The following CREB5 variants were observed in gnomAD, a reference collection of about 807,000 sequenced individuals.
CREB5 encodes the protein cyclic AMP-responsive element-binding protein 5.
CREB5 carries 19 observed loss-of-function variants against 57.1 expected under a neutral mutation model. The ratio of observed to expected loss-of-function variants is 0.33; its 90% CI spans 0.23 to 0.49. The LOEUF (loss-of-function observed/expected upper bound fraction) is 0.49, where lower values mean the gene tolerates loss of function less well. Ranked by LOEUF, CREB5 falls within the 20% of genes least tolerant of loss-of-function variation. The pLI is 0.99. For missense variants in CREB5, 579 were observed against 671.6 expected, an observed-to-expected ratio of 0.86 and a Z score of 1.52; for synonymous variants, 238 against 238.3, an observed-to-expected ratio of 1.00 and a Z score of 0.01.
chr7:28,543,291 C>A (rs1794280418), intron 4 of CREB5, among the ~76,000 whole-genome samples: 1 of 152,106 alleles, frequency 6.6e-6, no homozygotes, highest in Non-Finnish European at 1.5e-5. Flanking sequence ...CACAGGTGAT[C>A]CTTGTTAATG....
chr7:28,442,575 T>C (rs901824276), intron 1 of CREB5, among the ~76,000 whole-genome samples: 1 of 152,194 alleles, frequency 6.6e-6, no homozygotes, highest in Non-Finnish European at 1.5e-5. Context: ...CCATCAATAG[T>C]GTATAAGAGT....
chr7:28,461,677 A>G (rs537166896), intron 1 of CREB5, among the ~76,000 whole-genome samples: 3 of 152,184 alleles, frequency 2.0e-5, no homozygotes, highest in Non-Finnish European at 4.4e-5. Context: ...ACACTTTCCC[A>G]ACAGATGATT....
intron 7 of CREB5, among the ~76,000 whole-genome samples, chr7:28,770,924 C>G (rs981036503): frequency 2.0e-5 from 3 of 152,226 alleles, no homozygotes; most frequent in East Asian, 1.9e-4. Flanking sequence ...GTGTTCTCAT[C>G]ATAAAACAAA....
At chr7:28,319,548 C>T (rs1329489602) in intron 1 of CREB5, among the ~76,000 whole-genome samples, 1 of 151,456 alleles carries the variant, frequency 6.6e-6, no homozygotes, top group Non-Finnish European at 1.5e-5. Flanking sequence ...CTATTTCTAG[C>T]CCTCCATCCA....
intron 6 of CREB5, among the ~76,000 whole-genome samples, chr7:28,721,809 C>G (rs1278860290): frequency 6.6e-6 from 1 of 152,176 alleles, no homozygotes; most frequent in Non-Finnish European, 1.5e-5. Context: ...AATTCAAATG[C>G]TTTAATAATT....
chr7:28,736,389 G>A (rs925019645), intron 7 of CREB5, among the ~76,000 whole-genome samples: 7 of 151,664 alleles, frequency 4.6e-5, no homozygotes, highest in African/African-American at 1.2e-4. Context: ...GGCTGGTCTC[G>A]AACTCCCGAC....
At chr7:28,542,954 C>T (rs755024729) in intron 4 of CREB5, among the ~76,000 whole-genome samples, 4 of 152,276 alleles carry the variant, frequency 2.6e-5, no homozygotes, top group East Asian at 1.9e-4. Flanking sequence ...CTTTGTTCTC[C>T]GTCACCCTGC....
chr7:28,427,334 A>G lies in CREB5; in HGVS notation c.3+14417A>G, dbSNP rs551221301. On this transcript the variant is annotated intron_variant, in intron 1 of 10. Transcript: ENST00000357727. ...AGTTTTCAAAACTATGATTATGCAT[A>G]AGATTCCATTGAGTTTCTATGCCAT... Among the ~76,000 whole-genome samples the G allele has an allele frequency of 1.2e-4, 18 of 152,268 alleles. No homozygotes were observed. In the South Asian group the frequency reaches 2.3e-3, roughly 19 times the overall value.
At chr7:28,560,947 T>TGCGCGCGTGCGCGTGCGTGCGC (rs1562798055) in intron 4 of CREB5, among the ~76,000 whole-genome samples, 2 of 21,184 alleles carry the variant, frequency 9.4e-5, no homozygotes, top group Non-Finnish European at 9.6e-5. Context: ...CGTGCGTGTG[T>TGCGCGCGTGCGCGTGCGTGCGC]GTGCGTGTGT....
chr7:28,556,130 G>C (rs2128636518), intron 4 of CREB5, among the ~76,000 whole-genome samples: 1 of 152,290 alleles, frequency 6.6e-6, no homozygotes, highest in Middle Eastern at 3.4e-3. Context: ...GCAGCTTCTA[G>C]ATGTGCTCAC....
chr7:28,724,126 A>G, intron 6 of CREB5, 96 bp from the exon 7 acceptor site: 2 of 1,050,498 alleles, frequency 1.9e-6, no homozygotes, highest in Non-Finnish European at 2.7e-6. Flanking sequence ...TCTTCAAAGA[A>G]ATACTAAACG....
intron 5 of CREB5, among the ~76,000 whole-genome samples, chr7:28,610,592 C>T (rs1797345161): frequency 6.6e-6 from 1 of 152,140 alleles, no homozygotes; most frequent in African/African-American, 2.4e-5. Flanking sequence ...AAGAATTCAA[C>T]CTTTAAAAAG....
At chr7:28,399,610 A>T (rs189681405) in intron 1 of CREB5, among the ~76,000 whole-genome samples, 67 of 152,200 alleles carry the variant, frequency 4.4e-4, no homozygotes, top group Admixed American at 7.9e-4. Flanking sequence ...CTGGACCCCT[A>T]CCTCTTACCA....
In CREB5 at chr7:28,718,831, G is replaced by A. The variant is rs777505522; in HGVS notation, c.543G>A (p.Gly181=). 5.0e-6 allele frequency: 8 copies of A among 1,613,972 alleles called. No individual in the cohort carries two copies. The Admixed American group carries it at 1.3e-4, about 27-fold the overall frequency. The stretch of plus-strand genomic sequence containing the variant: ...AGCCCATGCCAGCCTCCATGCCTGG[G>A]ACCCTGCCCAACCCTACAATGCCAG... The part of the protein sequence containing the change: ...QRQPMPASMP[G]TLPNPTMPGS... The change falls in exon 6 of 11, where the codon GGG becomes GGA. Residue 181 remains glycine, a synonymous_variant. Transcript: ENST00000357727.
chr7:28,686,317 C>G, intron 5 of CREB5: 1 of 713,464 alleles, frequency 1.4e-6, no homozygotes, highest in Non-Finnish European at 2.4e-6. Context: ...CCCCTTCTCC[C>G]TTTCTGCCCG....
chr7:28,440,735 C>T (rs1789152853), intron 1 of CREB5, among the ~76,000 whole-genome samples: 1 of 152,172 alleles, frequency 6.6e-6, no homozygotes, highest in South Asian at 2.1e-4. Context: ...GGAGTTCACA[C>T]CATTTGGGCT....
At position 28,788,021 on chromosome 7, in the gene CREB5, G is replaced by A. The variant is rs956145800; in HGVS notation, c.703-16178G>A. Among the ~76,000 whole-genome samples, 33 of 152,130 alleles carry A rather than the reference G, an allele frequency of 2.2e-4. 1 individual carries two copies. The highest frequency in any genetic ancestry group is 1.5e-5 in the Non-Finnish European group (1 of 68,040). The stretch of plus-strand genomic sequence containing the variant: ...TACCACATGATAGTGGTCCTGTGGT[G>A]TCTCCTTCAAAGTAATAAAATAAGT... On this transcript the variant is annotated intron_variant, in intron 7 of 10. Coordinates refer to ENST00000357727, the MANE Select transcript of CREB5 (RefSeq NM_182898.4).
chr7:28,352,447 C>T (rs1036794541), intron 1 of CREB5, among the ~76,000 whole-genome samples: 12 of 152,162 alleles, frequency 7.9e-5, no homozygotes, highest in Non-Finnish European at 1.8e-4. Flanking sequence ...CCAGAAATTA[C>T]GTAAGTGATA....
intron 7 of CREB5, among the ~76,000 whole-genome samples, chr7:28,772,380 A>C (rs1806375097): frequency 6.6e-6 from 1 of 152,172 alleles, no homozygotes; most frequent in Non-Finnish European, 1.5e-5. Flanking sequence ...GTGCTCAGGA[A>C]GCCAGGTGGA....
Sources: allele counts gnomAD v4.1 joint callset (sites outside exome capture counted in the v4.1 genomes callset), GRCh38; gene constraint gnomAD v4.1.1; transcripts MANE v1.5; gene names NCBI Gene and HGNC (gene_info 2026-07-23, HGNC 2026-07-21).